Variants in ADCK5 observed in about 807,000 individuals in gnomAD.
ADCK5 encodes aarF domain containing kinase 5, also known as uncharacterized aarF domain-containing protein kinase 5.
A neutral mutation model predicts 64.9 loss-of-function variants in ADCK5; 43 were observed. The observed-to-expected ratio is 0.66, with a 90% CI of 0.52 to 0.85. The LOEUF (loss-of-function observed/expected upper bound fraction) is 0.85, where lower values mean the gene tolerates loss of function less well. ADCK5 is among the 40% of genes least tolerant of loss of function. The pLI, the probability that ADCK5 is intolerant of heterozygous loss-of-function variation, is 0.00. For synonymous variants in ADCK5, 434 were observed against 342.8 expected, an observed-to-expected ratio of 1.27 and a Z score of -2.94; for missense variants, 760 against 810.5, an observed-to-expected ratio of 0.94 and a Z score of 0.76.
Position 144,392,664 on chromosome 8 carries a change from C to A in ADCK5, c.1487C>A (p.Ala496Asp). Residue 496 changes from alanine to aspartate, a missense_variant, in exon 13 of 15, where the codon GCC becomes GAC. Ala to Asp is a moderately radical substitution (Grantham distance 126). This residue lies in a region of ADCK5 where 333 missense variants were observed against 292.0 expected (regional missense o/e 1.14). Coordinates refer to ENST00000308860, the MANE Select transcript of ADCK5 (RefSeq NM_174922.5). The stretch of plus-strand genomic sequence containing the variant: ...CGCGCTATCAACGTGGCCCTCGGCG[C>A]CCCCGTGGACCGCTACTTCCTTATG... ...TVRAINVALGAPVDRYFLMAK... is the reference protein window; with the variant it reads ...TVRAINVALGDPVDRYFLMAK... 1 of 1,593,492 alleles carries A rather than the reference C, an allele frequency of 6.3e-7. No homozygotes were observed. The highest frequency in any genetic ancestry group is 8.5e-7 in the Non-Finnish European group (1 of 1,171,198).
intron 8 of ADCK5, 26 bp downstream of exon 8, chr8:144,391,737 G>T: frequency 6.5e-7 from 1 of 1,538,434 alleles, no homozygotes; most frequent in East Asian, 2.4e-5. Context: ...CCCTTGGGGT[G>T]GGCACAGCGC....
intron 2 of ADCK5, 110 bp downstream of exon 2, chr8:144,379,600 C>G (rs1819512507): frequency 1.1e-6 from 1 of 886,000 alleles, no homozygotes; most frequent in South Asian, 2.0e-5. Context: ...TCTCCTGTAC[C>G]CACAACCAAG....
intron 2 of ADCK5, among the ~76,000 whole-genome samples, chr8:144,382,836 G>A (rs963612054): frequency 1.1e-4 from 17 of 152,240 alleles, no homozygotes; most frequent in African/African-American, 1.4e-4. Context: ...CATTGGCTGC[G>A]TCTCTGGACA....
rs374573809 is a variant in ADCK5, at chr8:144,391,079, G to A, written c.543+23G>A. 49 of 1,611,018 alleles carry A rather than the reference G, an allele frequency of 3.0e-5. No individual in the cohort carries two copies. The African/African-American group carries it at 6.0e-4, about 20-fold the overall frequency. On this transcript the variant is annotated intron_variant, in intron 5 of 14. Coordinates refer to ENST00000308860, the MANE Select transcript of ADCK5 (RefSeq NM_174922.5). ...GAGGTGAGTGTGCGCTCAGGCCGAG[G>A]GAGGTGGGGCCTCCAGCAGTGGCCC...
Position 144,376,093 on chromosome 8 carries a change from G to A in ADCK5, c.12+1986G>A, listed in dbSNP as rs1204304372. 1.3e-5 allele frequency among the ~76,000 whole-genome samples: 2 copies of A among 152,210 alleles called. No homozygotes were observed. The highest frequency in any genetic ancestry group is 4.8e-5 in the African/African-American group (2 of 41,452). On this transcript the variant is annotated intron_variant, in intron 1 of 14. Transcript: ENST00000308860. This position sits in a 1 kb window ranked among gnomAD's most constrained non-coding sequence, Gnocchi z 5.1. ...TGTGATGGGAATTTCAGAGAGGATA[G>A]TCTGGGTGTGCTGGGCGCTCCACAT...
rs1425290138 is a variant in ADCK5, at chr8:144,376,024, G to GC, written c.12+1923dup. Among the ~76,000 whole-genome samples the GC allele has an allele frequency of 2.0e-5, 3 of 152,112 alleles. No individual in the cohort carries two copies. Among genetic ancestry groups the GC allele is most frequent in the Non-Finnish European group, 4.4e-5 (3 of 68,022 alleles). ...TTCTGGGAGATGCAGCTGCAGGCTCGCCCCCCAACCCATAACCTCTCTGGG... is the reference window on the plus strand; with the variant it reads ...TTCTGGGAGATGCAGCTGCAGGCTCGCCCCCCCAACCCATAACCTCTCTGGG... On this transcript the variant is annotated intron_variant, in intron 1 of 14. Coordinates refer to ENST00000308860, the MANE Select transcript of ADCK5 (RefSeq NM_174922.5). This position sits in a 1 kb window ranked among gnomAD's most constrained non-coding sequence, Gnocchi z 5.1.
chr8:144,391,026 G>A lies in ADCK5; in HGVS notation c.513G>A (p.Glu171=). The A allele has an allele frequency of 6.2e-7, 1 of 1,612,886 alleles. No homozygotes were observed. The highest frequency in any genetic ancestry group is 8.5e-7 in the Non-Finnish European group (1 of 1,180,004). ...ATACCCGGACCCTGCGCGTGCTAGAGGACAGGGCCCTCAAGCGGGGCTTCC... is the reference window on the plus strand; with the variant it reads ...ATACCCGGACCCTGCGCGTGCTAGAAGACAGGGCCCTCAAGCGGGGCTTCC... ...PEYTRTLRVL[E]DRALKRGFQE... The change falls in exon 5 of 15, where the codon GAG becomes GAA. Residue 171 remains glutamate, a synonymous_variant. Transcript: ENST00000308860.
At chr8:144,389,133 G>A in intron 3 of ADCK5, 1 of 380,682 alleles carries the variant, frequency 2.6e-6, no homozygotes, top group Non-Finnish European at 5.4e-6. Flanking sequence ...CCTCCTAACT[G>A]GGGCCAGGCC....
At position 144,392,093 on chromosome 8, in the gene ADCK5, T is replaced by G; in HGVS notation, c.1098T>G (p.Val366=). Residue 366 remains valine, a splice_region_variant and synonymous_variant, in exon 11 of 15, where the codon GTT becomes GTG. Transcript: ENST00000308860. ...FIHSDPHPGN[V]LVRKGPDGKA... ...CGACCTAAGAGGCTGTATCCCTAGT[T>G]CTGGTGCGGAAAGGCCCGGACGGGA... The G allele has an allele frequency of 6.2e-7, 1 of 1,612,048 alleles. No individual in the cohort carries two copies. The highest frequency in any genetic ancestry group is 8.5e-7 in the Non-Finnish European group (1 of 1,179,832).
chr8:144,379,582 C>A, intron 2 of ADCK5, 92 bp downstream of exon 2: 1 of 1,077,742 alleles, frequency 9.3e-7, no homozygotes, highest in Non-Finnish European at 1.3e-6. Context: ...GGGCCCAAGG[C>A]TGGACCTTCT....
At chr8:144,392,417 C>CGGCCCCG in intron 12 of ADCK5, 28 bp from the exon 13 acceptor site, 1 of 1,325,716 alleles carries the variant, frequency 7.5e-7, no homozygotes, top group Non-Finnish European at 9.8e-7. Context: ...TCAGAGCCCC[C>CGGCCCCG]TCCCTCCCTC....
At chr8:144,386,555 A>G (rs1554859324) in intron 3 of ADCK5, among the ~76,000 whole-genome samples, 1 of 151,596 alleles carries the variant, frequency 6.6e-6, no homozygotes, top group African/African-American at 2.4e-5. Flanking sequence ...ATAGGGTTTC[A>G]TCATGTTGGC....
chr8:144,379,656 C>A (rs1334351579), intron 2 of ADCK5, among the ~76,000 whole-genome samples, 166 bp downstream of exon 2: 5 of 152,312 alleles, frequency 3.3e-5, no homozygotes, highest in Admixed American at 6.5e-5. Flanking sequence ...GACCAAAGAC[C>A]CCCAGGGACC....
intron 3 of ADCK5, among the ~76,000 whole-genome samples, chr8:144,385,641 G>A (rs531999798): frequency 2.1e-5 from 3 of 143,398 alleles, no homozygotes; most frequent in African/African-American, 5.2e-5. Flanking sequence ...AGCCAGACCC[G>A]TCTCAAAAAA....
rs1820275456 is a variant in ADCK5 at position 144,392,160 on chromosome 8, C to A, written c.1165C>A (p.Leu389Met). The A allele has an allele frequency of 7.8e-7, 1 of 1,273,890 alleles. No individual in the cohort carries two copies. The highest frequency in any genetic ancestry group is 1.1e-6 in the Non-Finnish European group (1 of 950,210). The allele number at this position is 1,273,890 out of a possible 1,614,324, so 78.9% of individuals were successfully genotyped here. A position where few individuals can be genotyped will look rare whatever the true frequency, so the allele number is the denominator to read the frequency against. Residue 389 changes from leucine (L) to methionine (M), a missense_variant, in exon 11 of 15, where the codon CTG (leucine) becomes ATG (methionine). Transcript: ENST00000308860. ...VLLDHGLYQF[L>M]EEKDRAALCQ... The stretch of plus-strand genomic sequence containing the variant: ...GCTGGACCACGGGCTCTACCAGTTC[C>A]TGGAGGAGAAGTGAGCGCGGGTGGG...
intron 3 of ADCK5, among the ~76,000 whole-genome samples, chr8:144,386,519 G>T (rs7015683): frequency 0.45 from 68,759 of 151,488 alleles, 17,160 homozygotes; most frequent in Middle Eastern, 0.68. Context: ...CATCACGCCC[G>T]GCTAATTTTT....
rs1416167261 is a variant in ADCK5 at position 144,392,438 on chromosome 8, T to TCCCC, written c.1268-6_1268-3dup. ...CCCCCTCCCTCCCTCCCTCCCTCCCTCCCCAGACTACCTCCTGTTCGCCGA... is the reference window on the plus strand; with the variant it reads ...CCCCCTCCCTCCCTCCCTCCCTCCCTCCCCCCCCAGACTACCTCCTGTTCGCCGA... On this transcript the variant is annotated splice_region_variant and splice_polypyrimidine_tract_variant and intron_variant, in intron 12 of 14. Transcript: ENST00000308860. 2.0e-4 allele frequency: 43 copies of TCCCC among 210,078 alleles called. No individual in the cohort carries two copies. In the East Asian group the frequency reaches 3.7e-3, roughly 18 times the overall value. The allele number at this position is 210,078 out of a possible 1,614,324, so 13.0% of individuals were successfully genotyped here.
rs1554858674 is a variant in ADCK5, at chr8:144,383,221, G to T, written c.257G>T (p.Arg86Leu). Residue 86 changes from arginine (R) to leucine (L), a missense_variant, in exon 3 of 15, where the codon CGC becomes CTC. Transcript: ENST00000308860. Reference protein sequence around the residue: ...RMRLVVDGMGRFGRSLKVGLQ... With the variant: ...RMRLVVDGMGLFGRSLKVGLQ... ...CGGCTCGTGGTGGATGGCATGGGGCGCTTTGGCAGGTAGGAGGGCCTGGCG... is the reference window on the plus strand; with the variant it reads ...CGGCTCGTGGTGGATGGCATGGGGCTCTTTGGCAGGTAGGAGGGCCTGGCG... The T allele has an allele frequency of 1.3e-6, 2 of 1,578,004 alleles. No homozygotes were observed. Among genetic ancestry groups the T allele is most frequent in the Non-Finnish European group, 1.7e-6 (2 of 1,160,890 alleles).
chr8:144,391,622 G>A lies in ADCK5; in HGVS notation c.841G>A (p.Glu281Lys). Reference protein sequence around the residue: ...TLAQELDFENEGRNAERCARE... With the variant: ...TLAQELDFENKGRNAERCARE... ...GGCCCAGGAGCTGGACTTCGAGAAT[G>A]AGGGCCGCAACGCAGAGCGCTGTGC... Residue 281 changes from glutamate to lysine, a missense_variant, in exon 8 of 15, where the codon GAG (glutamate) becomes AAG (lysine). Transcript: ENST00000308860. 2.6e-6 allele frequency: 4 copies of A among 1,566,536 alleles called. No individual in the cohort carries two copies. Among genetic ancestry groups the A allele is most frequent in the Non-Finnish European group, 2.6e-6 (3 of 1,160,864 alleles).
Sources: gnomAD v4.1 joint callset for allele counts (sites outside exome capture counted in the v4.1 genomes callset) on GRCh38, gnomAD v4.1.1 for gene constraint, gnomAD v4.1.1 regional missense constraint, Gnocchi (gnomAD v3.1) non-coding constraint, MANE v1.5 for transcripts, NCBI Gene and HGNC (gene_info 2026-07-23, HGNC 2026-07-21) for gene names.